REXO5: variants seen among roughly 807,000 people sequenced by gnomAD.
REXO5 encodes exonuclease NEF-sp.
In REXO5, 48 loss-of-function variants were observed where a neutral mutation model predicts 88.5. The ratio of observed to expected loss-of-function variants is 0.54; its 90% CI spans 0.43 to 0.69. REXO5 has a LOEUF of 0.69. Among genes scored for constraint, REXO5 ranks in the 30% least tolerant of loss-of-function variants. The pLI, the probability that REXO5 is intolerant of heterozygous loss-of-function variation, is 0.00. For synonymous variants in REXO5, 311 were observed against 336.5 expected (o/e 0.92, Z 0.83); for missense variants, 749 against 912.2 (o/e 0.82, Z 2.30).
intron 5 of REXO5, among the ~76,000 whole-genome samples, chr16:20,818,079 C>T (rs1419917674): frequency 6.6e-6 from 1 of 152,180 alleles, no homozygotes; most frequent in Non-Finnish European, 1.5e-5. Flanking sequence ...ATTCCCTTTG[C>T]TCCTATAAAT....
chr16:20,841,933 A>C (rs1005314360), intron 15 of REXO5, among the ~76,000 whole-genome samples: 4 of 152,234 alleles, frequency 2.6e-5, no homozygotes, highest in Non-Finnish European at 5.9e-5. Context: ...ATGACTAAAA[A>C]TAAAAATACA....
chr16:20,806,804 AC>A lies in REXO5; in HGVS notation c.-3+100del, dbSNP rs144833223. The stretch of plus-strand genomic sequence containing the variant: ...TTGGCACCTTCGCTTTTTTAGGGGA[AC>A]GGGGATAGTTCGGTAAACTGAATTG... On this transcript the variant is annotated intron_variant, in intron 1 of 19. Transcript: ENST00000261377. 3.0e-3 allele frequency: 3,802 copies of A among 1,271,794 alleles called. 98 individuals are homozygous for A. The African/African-American group carries it at 0.051, about 17-fold the overall frequency. 78.8% of individuals were successfully genotyped at this position (1,271,794 alleles called of 1,614,324 possible).
At chr16:20,847,838 C>G (rs968932364) in intron 19 of REXO5, among the ~76,000 whole-genome samples, 2 of 152,162 alleles carry the variant, frequency 1.3e-5, no homozygotes, top group Non-Finnish European at 2.9e-5. Flanking sequence ...TTCATGTTCT[C>G]ACGTAGAATA....
intron 11 of REXO5, among the ~76,000 whole-genome samples, chr16:20,828,977 G>C (rs1470408227): frequency 6.6e-6 from 1 of 151,668 alleles, no homozygotes; most frequent in Non-Finnish European, 1.5e-5. Flanking sequence ...ATGGCAGTGT[G>C]ATTGAATCCT....
chr16:20,812,093 A>T (rs1262836509), intron 2 of REXO5, among the ~76,000 whole-genome samples: 1 of 152,188 alleles, frequency 6.6e-6, no homozygotes, highest in Non-Finnish European at 1.5e-5. Flanking sequence ...ATTACCTCTA[A>T]GTTGTACTTT....
At chr16:20,809,624 A>G (rs1255886407) in intron 2 of REXO5, among the ~76,000 whole-genome samples, 2 of 152,236 alleles carry the variant, frequency 1.3e-5, no homozygotes, top group Non-Finnish European at 2.9e-5. Flanking sequence ...GCTCCCTTGC[A>G]GATTGTACAC....
chr16:20,808,535 G>C (rs1199551239), intron 2 of REXO5, among the ~76,000 whole-genome samples: 1 of 151,620 alleles, frequency 6.6e-6, no homozygotes, highest in Non-Finnish European at 1.5e-5. Context: ...CACTGCCCTA[G>C]TAGGTCTTAT....
chr16:20,810,684 C>T (rs1015810852), intron 2 of REXO5, among the ~76,000 whole-genome samples: 1 of 152,196 alleles, frequency 6.6e-6, no homozygotes, highest in African/African-American at 2.4e-5. Context: ...GCGTGAACCA[C>T]CGCGCCCAGT....
chr16:20,838,804 T>C (rs1040725596), intron 13 of REXO5, among the ~76,000 whole-genome samples: 1 of 152,166 alleles, frequency 6.6e-6, no homozygotes, highest in Non-Finnish European at 1.5e-5. Context: ...ACCCAGAACA[T>C]TGGACACATG....
chr16:20,833,375 T>C (rs1006201343), intron 13 of REXO5, among the ~76,000 whole-genome samples: 1 of 152,362 alleles, frequency 6.6e-6, no homozygotes, highest in East Asian at 1.9e-4. Flanking sequence ...GTTTCTGTTG[T>C]GTTTCTGGTT....
intron 5 of REXO5, among the ~76,000 whole-genome samples, chr16:20,819,393 C>T (rs1306611671): frequency 6.7e-6 from 1 of 150,290 alleles, no homozygotes; most frequent in East Asian, 1.9e-4. Context: ...CTTTCCTTTC[C>T]TTTCCTTTCT....
chr16:20,843,976 C>G lies in REXO5; in HGVS notation c.1669C>G (p.Leu557Val). Residue 557 changes from leucine (L) to valine (V), a missense_variant, in exon 16 of 20, where the codon CTG (leucine) becomes GTG (valine). Transcript: ENST00000261377. ...IQYEVLEAAQ[L>V]AIESLDGILV... is the part of the protein sequence containing the mutation. ...GTATGAAGTCCTAGAAGCTGCCCAG[C>G]TGGCCATAGAATCCTTGGATGGTAT... is the stretch of plus-strand genomic sequence containing the variant. The G allele has an allele frequency of 1.2e-6, 2 of 1,608,942 alleles. No homozygotes were observed. The highest frequency in any genetic ancestry group is 8.5e-7 in the Non-Finnish European group (1 of 1,175,224).
chr16:20,840,540 A>G (rs2081510594), intron 15 of REXO5, 72 bp downstream of exon 15: 6 of 1,328,374 alleles, frequency 4.5e-6, no homozygotes, highest in Non-Finnish European at 6.1e-6. Context: ...TGGGCCATGC[A>G]GATAGCAAAT....
At chr16:20,807,463 A>T in intron 2 of REXO5, 1 of 228,248 alleles carries the variant, frequency 4.4e-6, no homozygotes, top group Non-Finnish European at 8.9e-6. Flanking sequence ...GGTGACTGTA[A>T]TCCCACCTAC....
At chr16:20,813,133 T>G in intron 2 of REXO5, 57 bp from the exon 3 acceptor site, 1 of 1,128,664 alleles carries the variant, frequency 8.9e-7, no homozygotes, top group Non-Finnish European at 1.4e-6. Context: ...TTAACTTGCT[T>G]TGTTGGTATT....
chr16:20,830,075 G>A (rs781068261), intron 11 of REXO5, among the ~76,000 whole-genome samples: 11 of 152,152 alleles, frequency 7.2e-5, no homozygotes, highest in Non-Finnish European at 1.5e-4. Context: ...ACTACAATAG[G>A]TTCTAAAACC....
chr16:20,839,725 AC>A (rs1226423458), intron 13 of REXO5, 29 bp from the exon 14 acceptor site: 2 of 1,507,426 alleles, frequency 1.3e-6, no homozygotes, highest in Non-Finnish European at 1.8e-6. Flanking sequence ...TGAGGTTCCT[AC>A]CTTATCCAGG....
intron 4 of REXO5, 61 bp from the exon 5 acceptor site, chr16:20,816,055 C>A: frequency 7.5e-7 from 1 of 1,329,206 alleles, no homozygotes; most frequent in East Asian, 2.3e-5. Flanking sequence ...AAAGTCCAGG[C>A]CTTTCACAGT....
intron 2 of REXO5, among the ~76,000 whole-genome samples, chr16:20,812,355 C>T (rs1043391218): frequency 5.3e-5 from 8 of 152,052 alleles, no homozygotes; most frequent in Admixed American, 4.6e-4. Context: ...AAACTCATCT[C>T]TACCAAAAAT....
Sources: gnomAD v4.1 joint callset for allele counts (sites outside exome capture counted in the v4.1 genomes callset) on GRCh38, gnomAD v4.1.1 for gene constraint, MANE v1.5 for transcripts, NCBI Gene and HGNC (gene_info 2026-07-23, HGNC 2026-07-21) for gene names.